WWOX: variants seen among roughly 807,000 people sequenced by gnomAD.
The protein encoded by WWOX is WW domain containing oxidoreductase.
In WWOX, 69 loss-of-function variants were observed where a neutral mutation model predicts 46.2. The ratio of observed to expected loss-of-function variants is 1.49; its 90% CI spans 1.23 to 1.82. The LOEUF is 1.82. Among genes scored for constraint, WWOX ranks in the 40% most tolerant of loss-of-function variants. The pLI is 0.00. For synonymous variants in WWOX, 359 were observed against 202.6 expected (o/e 1.77, Z -6.56); for missense variants, 919 against 542.6 (o/e 1.69, Z -6.89).
chr16:79,070,643 A>G (rs1443988996), intron 8 of WWOX, among the ~76,000 whole-genome samples: 1 of 152,166 alleles, frequency 6.6e-6, no homozygotes, highest in Non-Finnish European at 1.5e-5. Context: ...ACAGAAGTTC[A>G]GGGCGTGAGA....
chr16:78,123,440 G>GTTTTGTTTTGTTTTTTTTTTTTTTTT (rs1567584444), intron 4 of WWOX: 5 of 50,480 alleles, frequency 9.9e-5, no homozygotes, highest in Admixed American at 2.4e-4. Context: ...TTTTTGTTTT[G>GTTTTGTTTTGTTTTTTTTTTTTTTTT]TTTTTTTTTT....
intron 8 of WWOX, among the ~76,000 whole-genome samples, chr16:78,664,076 G>T (rs1171782990): frequency 1.3e-5 from 2 of 152,206 alleles, no homozygotes; most frequent in Non-Finnish European, 2.9e-5. Flanking sequence ...GTTGCCATGA[G>T]GAGGACAATG....
rs115792598 is a variant in WWOX at position 78,928,179 on chromosome 16, A to G, written c.1057-283429A>G. ...TGAGTTTAATAATAAAGTGTTTGGA[A>G]CTATGCTTTTCCCTACCACTTTTCT... On this transcript the variant is annotated intron_variant, in intron 8 of 8. Transcript: ENST00000566780. Among the ~76,000 whole-genome samples, 923 of 150,936 alleles carry G rather than the reference A, an allele frequency of 6.1e-3. 4 individuals are homozygous for G. Among genetic ancestry groups the G allele is most frequent in the African/African-American group, 0.015 (597 of 41,144 alleles).
At chr16:78,794,882 C>G (rs1321709092) in intron 8 of WWOX, among the ~76,000 whole-genome samples, 1 of 152,224 alleles carries the variant, frequency 6.6e-6, no homozygotes, top group Non-Finnish European at 1.5e-5. Flanking sequence ...GGGTTAGTGA[C>G]AAAGAAATGA....
chr16:78,800,498 T>G (rs981656485), intron 8 of WWOX, among the ~76,000 whole-genome samples: 6 of 152,142 alleles, frequency 3.9e-5, no homozygotes, highest in Admixed American at 3.9e-4. Flanking sequence ...TCCTACGAAT[T>G]TGGAGGTCTA....
At chr16:78,503,865 A>T (rs1026266822) in intron 8 of WWOX, 7 of 152,232 alleles carry the variant, frequency 4.6e-5, no homozygotes, top group Non-Finnish European at 2.9e-5. Flanking sequence ...AATTTGCTAA[A>T]CTTAGCCAGT....
At chr16:78,515,185 C>G (rs2085460181) in intron 8 of WWOX, among the ~76,000 whole-genome samples, 1 of 152,182 alleles carries the variant, frequency 6.6e-6, no homozygotes, top group African/African-American at 2.4e-5. Context: ...GATCGTGTCA[C>G]TGCACTCCAG....
intron 8 of WWOX, among the ~76,000 whole-genome samples, chr16:78,609,081 A>C (rs2151627782): frequency 6.6e-6 from 1 of 152,260 alleles, no homozygotes; most frequent in East Asian, 1.9e-4. Context: ...TATGTCAAAT[A>C]CCTTTCTGTC....
At chr16:78,909,620 G>C (rs1311031866) in intron 8 of WWOX, among the ~76,000 whole-genome samples, 1 of 152,188 alleles carries the variant, frequency 6.6e-6, no homozygotes. Flanking sequence ...GCTCCTCTTA[G>C]ATGAAAGTTC....
chr16:78,448,581 G>T (rs1275263563), intron 8 of WWOX, among the ~76,000 whole-genome samples: 1 of 152,136 alleles, frequency 6.6e-6, no homozygotes, highest in East Asian at 1.9e-4. Context: ...AAGCAGTACA[G>T]GCTTTATTCA....
intron 8 of WWOX, among the ~76,000 whole-genome samples, chr16:79,124,143 G>A (rs1306192979): frequency 4.6e-5 from 7 of 152,098 alleles, no homozygotes; most frequent in Admixed American, 2.0e-4. Context: ...AACTTCGGAT[G>A]GTGCCCCAGA....
intron 8 of WWOX, among the ~76,000 whole-genome samples, chr16:79,093,151 C>T (rs1250880734): frequency 6.6e-6 from 1 of 151,946 alleles, no homozygotes; most frequent in East Asian, 1.9e-4. Flanking sequence ...AATGACACTT[C>T]TAAAGGAAAA....
At chr16:78,390,637 G>A (rs2082156804) in intron 6 of WWOX, among the ~76,000 whole-genome samples, 1 of 152,174 alleles carries the variant, frequency 6.6e-6, no homozygotes, top group Non-Finnish European at 1.5e-5. Flanking sequence ...ATCTCTCTTG[G>A]ATAGGCAGAT....
rs140886829 is a variant in WWOX, at chr16:78,326,734, C to T, written c.517-60126C>T. Among the ~76,000 whole-genome samples the T allele has an allele frequency of 3.4e-3, 510 of 152,158 alleles. 3 individuals carry two copies. The highest frequency in any genetic ancestry group is 0.012 in the African/African-American group (491 of 41,492). ...TTGCTGTATTCTTGCCTGCCACTGA[C>T]ATGGACTTAATTGTTTCATTTAGAC... is the stretch of plus-strand genomic sequence containing the variant. On this transcript the variant is annotated intron_variant, in intron 5 of 8. Transcript: ENST00000566780.
chr16:78,951,874 TCAATGGA>T (rs1194138366), intron 8 of WWOX, among the ~76,000 whole-genome samples: 3 of 152,154 alleles, frequency 2.0e-5, no homozygotes, highest in Admixed American at 6.5e-5. Context: ...GCAACACTCT[TCAATGGA>T]TGTGGGTGAG....
chr16:78,433,524 T>A (rs1166717600), intron 8 of WWOX, among the ~76,000 whole-genome samples: 1 of 152,228 alleles, frequency 6.6e-6, no homozygotes, highest in African/African-American at 2.4e-5. Flanking sequence ...TGGACACCAG[T>A]ATTCCAGTTA....
intron 8 of WWOX, among the ~76,000 whole-genome samples, chr16:78,809,969 T>A (rs1159428262): frequency 6.6e-6 from 1 of 152,182 alleles, no homozygotes; most frequent in East Asian, 1.9e-4. Flanking sequence ...ATCCTGTTCA[T>A]CTGGCAAATC....
intron 8 of WWOX, among the ~76,000 whole-genome samples, chr16:79,014,327 G>A (rs1000688208): frequency 6.6e-6 from 1 of 152,172 alleles, no homozygotes; most frequent in African/African-American, 2.4e-5. Context: ...GGTTCTGCTG[G>A]CAGTCGGGCA....
intron 8 of WWOX, among the ~76,000 whole-genome samples, chr16:78,758,817 G>A (rs1288802873): frequency 1.3e-5 from 2 of 151,628 alleles, no homozygotes; most frequent in Non-Finnish European, 2.9e-5. Flanking sequence ...TAAGGAGGAT[G>A]TATCTCAGTT....
Sources: gnomAD v4.1 joint callset for allele counts (sites outside exome capture counted in the v4.1 genomes callset) on GRCh38, gnomAD v4.1.1 for gene constraint, MANE v1.5 for transcripts, NCBI Gene and HGNC (gene_info 2026-07-23, HGNC 2026-07-21) for gene names.